Variants in SMARCA2 observed in about 807,000 individuals in gnomAD.
SMARCA2 encodes the protein SWI/SNF-related matrix-associated actin-dependent regulator of chromatin subfamily A member 2.
In SMARCA2, 61 loss-of-function variants were observed where a neutral mutation model predicts 199.8. That is an observed-to-expected ratio of 0.31 (90% confidence interval 0.25 to 0.38). SMARCA2 has a LOEUF of 0.38. Ranked by LOEUF, SMARCA2 falls within the 10% of genes least tolerant of loss-of-function variation. The probability of loss-of-function intolerance (pLI) is 1.00; values close to 1 mark genes in which losing one functional copy is unlikely to be tolerated. For missense variants in SMARCA2, 1,344 were observed against 2,012.2 expected, an observed-to-expected ratio of 0.67 and a Z score of 6.35; for synonymous variants, 935 against 732.0, an observed-to-expected ratio of 1.28 and a Z score of -4.48.
Position 2,077,728 on chromosome 9 carries a change from G to A in SMARCA2, c.2136G>A (p.Val712=), listed in dbSNP as rs147739329. 3.1e-4 allele frequency: 506 copies of A among 1,613,912 alleles called. 2 individuals are homozygous for A. In the African/African-American group the frequency reaches 5.1e-3, roughly 16 times the overall value. Residue 712 remains valine (V), a synonymous_variant, in exon 14 of 34, where the codon GTG becomes GTA. Transcript: ENST00000349721. ...YTVAHAISER[V]EKQSALLING... ...TGGCTCATGCCATCTCGGAGAGGGT[G>A]GAGAAACAGTCTGCCCTCCTAATTA...
intron 24 of SMARCA2, among the ~76,000 whole-genome samples, chr9:2,111,304 A>G (rs1362264954): frequency 6.6e-6 from 1 of 151,868 alleles, no homozygotes. Context: ...CCTGGGCAAC[A>G]TGGTGAAACC....
rs748749363 is a variant in SMARCA2, at chr9:2,119,455, C to G, written c.3685-3C>G. ...GTTAAAATCACTCTGTTTTTAACCC[C>G]AGGAAGAAGATGAAGTACCGGACGA... is the stretch of plus-strand genomic sequence containing the variant. On this transcript the variant is annotated splice_region_variant and splice_polypyrimidine_tract_variant and intron_variant, in intron 25 of 33. Coordinates refer to ENST00000349721, the MANE Select transcript of SMARCA2 (RefSeq NM_003070.5). The surrounding 1 kb of genome is among the most constrained non-coding windows in gnomAD (Gnocchi z 4.6). The G allele has an allele frequency of 6.2e-7, 1 of 1,608,158 alleles. No individual in the cohort carries two copies. Among genetic ancestry groups the G allele is most frequent in the South Asian group, 1.1e-5 (1 of 90,936 alleles).
intron 28 of SMARCA2, among the ~76,000 whole-genome samples, chr9:2,165,745 A>G (rs1825900772): frequency 6.6e-6 from 1 of 152,200 alleles, no homozygotes; most frequent in Admixed American, 6.5e-5. Context: ...CTGGGATGAG[A>G]TGTAGAGTTA....
chr9:2,066,843 T>C (rs1820859110), intron 9 of SMARCA2, among the ~76,000 whole-genome samples: 1 of 152,236 alleles, frequency 6.6e-6, no homozygotes, highest in African/African-American at 2.4e-5. Flanking sequence ...TTTCTTTAGG[T>C]GCTTAGAGAC....
intron 29 of SMARCA2, among the ~76,000 whole-genome samples, chr9:2,174,077 C>T (rs1315589722): frequency 6.6e-6 from 1 of 152,120 alleles, no homozygotes; most frequent in Non-Finnish European, 1.5e-5. Flanking sequence ...GTGGGCAGCC[C>T]ACAAATAAAC....
Position 2,110,377 on chromosome 9 carries a change from A to G in SMARCA2, c.3416A>G (p.Asp1139Gly). 6.2e-7 allele frequency: 1 copy of G among 1,613,576 alleles called. No individual in the cohort carries two copies. Among genetic ancestry groups the G allele is most frequent in the Non-Finnish European group, 8.5e-7 (1 of 1,179,818 alleles). ...CTGGGCTTAAATCTTCAGGCAGCTG[A>G]TACAGTGGTCATCTTTGACAGCGAC... ...GGLGLNLQAADTVVIFDSDWN... is the reference protein window; with the variant it reads ...GGLGLNLQAAGTVVIFDSDWN... The change falls in exon 24 of 34, where the codon GAT becomes GGT. Residue 1139 changes from aspartate to glycine, a missense_variant. Coordinates refer to ENST00000349721, the MANE Select transcript of SMARCA2 (RefSeq NM_003070.5). This position sits in a 1 kb window ranked among gnomAD's most constrained non-coding sequence, Gnocchi z 4.8.
intron 9 of SMARCA2, among the ~76,000 whole-genome samples, chr9:2,068,215 T>C (rs542873156): frequency 1.7e-4 from 26 of 152,354 alleles, no homozygotes; most frequent in African/African-American, 6.3e-4. Flanking sequence ...TTGTTCTCTG[T>C]GTCACTAGCT....
In SMARCA2 at chr9:2,081,307, C is replaced by T. The variant is rs144925042; in HGVS notation, c.2185-525C>T. The stretch of plus-strand genomic sequence containing the variant: ...TGGGTAGTACTCACATTACAAAGTT[C>T]CCATGTGCTGTCTGGGAACTTTCTC... On this transcript the variant is annotated intron_variant, in intron 14 of 33. Coordinates refer to ENST00000349721, the MANE Select transcript of SMARCA2 (RefSeq NM_003070.5). Among the ~76,000 whole-genome samples, 992 of 152,290 alleles carry T rather than the reference C, an allele frequency of 6.5e-3. 17 individuals carry two copies. Among genetic ancestry groups the T allele is most frequent in the African/African-American group, 0.023 (946 of 41,562 alleles).
chr9:2,102,802 C>G (rs985224650), intron 22 of SMARCA2, among the ~76,000 whole-genome samples: 1 of 152,122 alleles, frequency 6.6e-6, no homozygotes, highest in South Asian at 2.1e-4. Context: ...TCATCACTCC[C>G]CTGCCTAAAA....
At chr9:2,152,424 A>G (rs1316682728) in intron 27 of SMARCA2, among the ~76,000 whole-genome samples, 1 of 152,122 alleles carries the variant, frequency 6.6e-6, no homozygotes, top group Non-Finnish European at 1.5e-5. Context: ...GTGGTGGCTC[A>G]TGGCTCATGC....
chr9:2,088,106 G>C (rs1171043610), intron 18 of SMARCA2, among the ~76,000 whole-genome samples: 1 of 152,176 alleles, frequency 6.6e-6, no homozygotes, highest in Non-Finnish European at 1.5e-5. Flanking sequence ...CCAAGACGAA[G>C]GGCCTAACTT....
intron 27 of SMARCA2, among the ~76,000 whole-genome samples, chr9:2,150,043 T>C (rs1226599675): frequency 2.0e-5 from 3 of 151,582 alleles, no homozygotes; most frequent in African/African-American, 7.3e-5. Flanking sequence ...TTTATGTATG[T>C]GTACATACAT....
At chr9:2,176,182 G>GTTTTTTTTTT (rs56186732) in intron 29 of SMARCA2, among the ~76,000 whole-genome samples, 3,952 of 103,488 alleles carry the variant, frequency 0.038, 117 homozygotes, top group African/African-American at 0.045. Flanking sequence ...CGCCCGGCCT[G>GTTTTTTTTTT]TTTTTTTTTT....
chr9:2,190,947 G>T (rs1322080721), intron 32 of SMARCA2, among the ~76,000 whole-genome samples: 1 of 152,120 alleles, frequency 6.6e-6, no homozygotes, highest in Non-Finnish European at 1.5e-5. Context: ...TCCACAAGTA[G>T]AAAACACTTC....
intron 27 of SMARCA2, among the ~76,000 whole-genome samples, chr9:2,142,633 T>C (rs1213708577): frequency 6.6e-6 from 1 of 152,228 alleles, no homozygotes. Flanking sequence ...TTCAAGCCGT[T>C]TAACTCTCAA....
chr9:2,148,005 G>A (rs983518299), intron 27 of SMARCA2, among the ~76,000 whole-genome samples: 4 of 151,566 alleles, frequency 2.6e-5, no homozygotes, highest in Admixed American at 2.6e-4. Flanking sequence ...AGCCATGAAT[G>A]AGAATCCTAA....
intron 4 of SMARCA2, chr9:2,041,409 T>C (rs540127263): frequency 5.0e-6 from 2 of 398,646 alleles, no homozygotes; most frequent in African/African-American, 4.1e-5. Context: ...GATTCATAGA[T>C]GGCTTCCTTC....
intron 32 of SMARCA2, 72 bp downstream of exon 32, chr9:2,186,300 ACAGAAGAGACTTTAGAGTGGGG>A (rs1227930680): frequency 1.4e-6 from 2 of 1,480,324 alleles, no homozygotes; most frequent in African/African-American, 2.8e-5. Context: ...ACAGATGTTC[ACAGAAGAGACTTTAGAGTGGGG>A]CAGATCTGGA....
chr9:2,073,538 C>T lies in SMARCA2; in HGVS notation c.1878-28C>T, dbSNP rs745314760. 15 of 1,591,112 alleles carry T rather than the reference C, an allele frequency of 9.4e-6. No individual in the cohort carries two copies. The Admixed American group carries it at 2.4e-4, about 25-fold the overall frequency. ...TATTGTAATTTAAAAAACTAAGCCC[C>T]CTCCTCTTCCTCACTCTTTTTCCTT... On this transcript the variant is annotated intron_variant, in intron 11 of 33. Transcript: ENST00000349721.
Sources: gnomAD v4.1 joint callset for allele counts (sites outside exome capture counted in the v4.1 genomes callset) on GRCh38, gnomAD v4.1.1 for gene constraint, Gnocchi (gnomAD v3.1) non-coding constraint, MANE v1.5 for transcripts, NCBI Gene and HGNC (gene_info 2026-07-23, HGNC 2026-07-21) for gene names.